Variants in DRC9 observed in about 807,000 individuals in gnomAD.
DRC9 encodes the protein dynein regulatory complex protein 9.
chr3:197,950,726 C>A, the DRC9 span: 7 of 588,024 alleles, frequency 1.2e-5, 1 homozygote, highest in South Asian at 1.5e-4. Flanking sequence ...TGTCTTCATT[C>A]TGAAGTTTGC....
chr3:197,906,249 C>CTGAGTTTTA, the DRC9 span: 1 of 152,166 alleles, frequency 6.6e-6, no homozygotes, highest in Admixed American at 6.5e-5. Flanking sequence ...CACCCGGCCG[C>CTGAGTTTTA]ACTTGTCCAC....
the DRC9 span, among the ~76,000 whole-genome samples, chr3:197,926,417 G>C: frequency 1.3e-5 from 2 of 152,206 alleles, no homozygotes; most frequent in Non-Finnish European, 2.9e-5. Context: ...GTGAAGAAGA[G>C]AAGGACAGCA....
chr3:197,920,920 A>G, the DRC9 span, among the ~76,000 whole-genome samples: 22 of 152,254 alleles, frequency 1.4e-4, no homozygotes, highest in African/African-American at 5.3e-4. Context: ...TTTCATATAC[A>G]AAAACCTGCC....
At chr3:197,919,970 C>T in the DRC9 span, among the ~76,000 whole-genome samples, 3 of 151,192 alleles carry the variant, frequency 2.0e-5, no homozygotes, top group East Asian at 1.9e-4. Flanking sequence ...GAGGCTGAGG[C>T]GGGTGGATCA....
the DRC9 span, chr3:197,889,645 C>G: frequency 6.2e-7 from 1 of 1,614,238 alleles, no homozygotes; most frequent in East Asian, 2.2e-5. Context: ...TTGCTATCAA[C>G]TTTGTCTTTA....
chr3:197,926,043 T>G, the DRC9 span: 4 of 1,585,514 alleles, frequency 2.5e-6, no homozygotes, highest in Admixed American at 1.7e-5. Flanking sequence ...AAATTGCCAT[T>G]CCTTTTTGAC....
chr3:197,929,023 G>A, the DRC9 span, among the ~76,000 whole-genome samples: 112 of 152,278 alleles, frequency 7.4e-4, 3 homozygotes, highest in Middle Eastern at 0.01. The surrounding 1 kb of genome is among the most constrained non-coding windows in gnomAD (Gnocchi z 4.6). Context: ...TTCTCCTCTC[G>A]GGAGATCATG....
At chr3:197,953,728 G>A in the DRC9 span, 7 of 516,416 alleles carry the variant, frequency 1.4e-5, no homozygotes, top group Non-Finnish European at 2.5e-5. Flanking sequence ...TTTCAATATT[G>A]CCTCTGTTAT....
At chr3:197,928,906 G>C in the DRC9 span, among the ~76,000 whole-genome samples, 3 of 152,220 alleles carry the variant, frequency 2.0e-5, no homozygotes, top group Non-Finnish European at 2.9e-5. Flanking sequence ...ATCTTCGAAG[G>C]CACAACTGTG....
the DRC9 span, chr3:197,944,126 C>G: frequency 6.1e-6 from 8 of 1,316,378 alleles, no homozygotes; most frequent in Non-Finnish European, 8.4e-6. Context: ...GCACAGGCAG[C>G]AACGTGCTGG....
the DRC9 span, among the ~76,000 whole-genome samples, chr3:197,923,638 G>A: frequency 6.6e-6 from 1 of 152,128 alleles, no homozygotes; most frequent in Non-Finnish European, 1.5e-5. Context: ...GCTGAGGCAG[G>A]AGAATCATTT....
At chr3:197,959,958 G>A in the DRC9 span, 594 of 522,480 alleles carry the variant, frequency 1.1e-3, 5 homozygotes, top group East Asian at 0.016. Context: ...CTGAAAAACT[G>A]CCTCAAGACA....
chr3:197,921,902 T>C, the DRC9 span, among the ~76,000 whole-genome samples: 47 of 138,036 alleles, frequency 3.4e-4, no homozygotes, highest in Middle Eastern at 7.5e-3. Flanking sequence ...TCATCTTGGT[T>C]GACCCGACTA....
chr3:197,923,616 A>T, the DRC9 span, among the ~76,000 whole-genome samples: 1 of 152,092 alleles, frequency 6.6e-6, no homozygotes, highest in African/African-American at 2.4e-5. Flanking sequence ...CTGTAGTCCC[A>T]GCTATCTGGG....
chr3:197,933,024 AAAT>A, the DRC9 span, among the ~76,000 whole-genome samples: 3 of 140,114 alleles, frequency 2.1e-5, no homozygotes, highest in Admixed American at 2.3e-4. Flanking sequence ...TATTAATATA[AAAT>A]ATTATATATT....
the DRC9 span, among the ~76,000 whole-genome samples, chr3:197,896,880 C>A: frequency 2.0e-5 from 3 of 152,280 alleles, no homozygotes; most frequent in Non-Finnish European, 4.4e-5. Context: ...AGAAAAACTT[C>A]TTTCCCCTTC....
chr3:197,904,102 ATATATATATT>A, the DRC9 span, among the ~76,000 whole-genome samples: 5,168 of 61,710 alleles, frequency 0.084, 212 homozygotes, highest in South Asian at 0.14. Context: ...ATATATATAT[ATATATATATT>A]TTTTTTTTTA....
the DRC9 span, chr3:197,892,576 A>AATTCCTTTCACTCTGTCCTCAGTGAGCG: frequency 3.2e-6 from 5 of 1,558,614 alleles, no homozygotes; most frequent in Middle Eastern, 1.7e-4. Flanking sequence ...CTCAGTGAGC[A>AATTCCTTTCACTCTGTCCTCAGTGAGCG]CCCTAATTCC....
chr3:197,893,426 A>G, the DRC9 span, among the ~76,000 whole-genome samples: 1 of 151,650 alleles, frequency 6.6e-6, no homozygotes, highest in African/African-American at 2.4e-5. Context: ...GGAAGTTGCA[A>G]TGAAGAGGAA....
Sources: allele counts gnomAD v4.1 joint callset (sites outside exome capture counted in the v4.1 genomes callset), GRCh38; gene constraint gnomAD v4.1.1; non-coding constraint Gnocchi (gnomAD v3.1); transcripts MANE v1.5; gene names NCBI Gene and HGNC (gene_info 2026-07-23, HGNC 2026-07-21).